TMED4: variants seen among roughly 807,000 people sequenced by gnomAD.
TMED4 encodes the protein transmembrane p24 trafficking protein 4.
In TMED4, 19 loss-of-function variants were observed where a neutral mutation model predicts 26.5. The observed-to-expected ratio is 0.72, with a 90% CI of 0.50 to 1.05. The LOEUF (loss-of-function observed/expected upper bound fraction) is 1.05, where lower values mean the gene tolerates loss of function less well. Ranked by LOEUF, TMED4 falls within the 50% of genes least tolerant of loss-of-function variation. The pLI, the probability that TMED4 is intolerant of heterozygous loss-of-function variation, is 0.00. For synonymous variants in TMED4, 121 were observed against 119.8 expected, an observed-to-expected ratio of 1.01 and a Z score of -0.07; for missense variants, 303 against 302.5, an observed-to-expected ratio of 1.00 and a Z score of -0.01.
chr7:44,582,178 C>G lies in TMED4; in HGVS notation c.29G>C (p.Arg10Pro), dbSNP rs1020086984. MAGVGAGPLRAMGRQALLLL... is the reference protein window; with the variant it reads MAGVGAGPLPAMGRQALLLL... ...CAGCAGGGCCTGCCGCCCCATCGCC[C>G]GCAGAGGCCCAGCCCCGACACCTGC... The change falls in exon 1 of 5, where the codon CGG becomes CCG. Residue 10 changes from arginine (R) to proline (P), a missense_variant. Arg to Pro is a moderately radical substitution (Grantham distance 103). Transcript: ENST00000457408. The G allele has an allele frequency of 1.3e-6, 2 of 1,547,716 alleles. No homozygotes were observed. Among genetic ancestry groups the G allele is most frequent in the African/African-American group, 1.4e-5 (1 of 73,030 alleles).
chr7:44,579,425 T>C lies in TMED4; in HGVS notation c.*54A>G. On this transcript the variant is annotated 3_prime_UTR_variant, in exon 5 of 5. Transcript: ENST00000457408. ...AAATCCAGGTGGATAAAGGACTGTG[T>C]GGGGAAAGTACCAAATAAATGAGGT... 1 of 1,563,562 alleles carries C rather than the reference T, an allele frequency of 6.4e-7. No homozygotes were observed. The highest frequency in any genetic ancestry group is 8.7e-7 in the Non-Finnish European group (1 of 1,146,822).
Position 44,581,237 on chromosome 7 carries a change from C to A in TMED4, c.390G>T (p.Arg130=), listed in dbSNP as rs8580. The A allele has an allele frequency of 0.62, 1,003,094 of 1,613,714 alleles. 317,880 individuals carry two copies. Among genetic ancestry groups the A allele is most frequent in the African/African-American group, 0.9 (67,698 of 74,980 alleles). The change falls in exon 4 of 5, where the codon CGG becomes CGT. Residue 130 remains arginine, a splice_region_variant and synonymous_variant. Coordinates refer to ENST00000457408, the MANE Select transcript of TMED4 (RefSeq NM_182547.4). ...CCCCAACCTGGATGTCGAGATGCAC[C>A]CGCTACAAGGAAACATGGAATGTAT... The part of the protein sequence containing the change: ...RMALFAGGKL[R]VHLDIQVGEH...
rs1803010334 is a variant in TMED4, at chr7:44,581,831, G to A, written c.161-8C>T. On this transcript the variant is annotated splice_region_variant and splice_polypyrimidine_tract_variant and intron_variant, in intron 1 of 4. Transcript: ENST00000457408. ...TCTGGGTACGATAGTTGCCTGCGGG[G>A]CAGACACATAGTCACGACCGGCCCT... The A allele has an allele frequency of 6.2e-7, 1 of 1,613,792 alleles. No homozygotes were observed. Among genetic ancestry groups the A allele is most frequent in the East Asian group, 2.2e-5 (1 of 44,880 alleles).
In TMED4 at chr7:44,579,518, A is replaced by C. The variant is rs1350361757; in HGVS notation, c.645T>G (p.Arg215=). The C allele has an allele frequency of 6.2e-7, 1 of 1,614,116 alleles. No individual in the cohort carries two copies. Among genetic ancestry groups the C allele is most frequent in the South Asian group, 1.1e-5 (1 of 91,088 alleles). The change falls in exon 5 of 5, where the codon CGT becomes CGG. Residue 215 remains arginine, a synonymous_variant. Transcript: ENST00000457408. Reference sequence around the variant, plus strand: ...TGGCCTCAAAGAAGCTCTTGAGGTGACGCATCTGCCAGATGCCAGTGAGGA... The same window carrying C: ...TGGCCTCAAAGAAGCTCTTGAGGTGCCGCATCTGCCAGATGCCAGTGAGGA... ...ILILTGIWQM[R]HLKSFFEAKK...
rs1278822233 is a variant in TMED4, at chr7:44,578,431, A to T, written c.*1048T>A. ...AAGGAGGGTAAGAGTGCATTGCCCC[A>T]TTCTAGCTCTGTTGCTACCTTACCT... On this transcript the variant is annotated 3_prime_UTR_variant, in exon 5 of 5. Coordinates refer to ENST00000457408, the MANE Select transcript of TMED4 (RefSeq NM_182547.4). 6.6e-6 allele frequency: 1 copy of T among 152,224 alleles called. No individual in the cohort carries two copies. Among genetic ancestry groups the T allele is most frequent in the African/African-American group, 2.4e-5 (1 of 41,458 alleles). The allele number at this position is 152,224 out of a possible 1,614,324, so 9.4% of individuals were successfully genotyped here.
In TMED4 at chr7:44,581,442, C is replaced by T. The variant is rs1802987952; in HGVS notation, c.387+7G>A. On this transcript the variant is annotated splice_region_variant and intron_variant, in intron 3 of 4. Transcript: ENST00000457408. ...CTAAGCTGAAGCCAAAGAGAAAATC[C>T]TCTTACCAGTTTGCCACCAGCGAAG... 1.2e-6 allele frequency: 2 copies of T among 1,614,132 alleles called. No homozygotes were observed. The highest frequency in any genetic ancestry group is 4.5e-5 in the East Asian group (2 of 44,886).
chr7:44,581,964 G>T, intron 1 of TMED4, 83 bp downstream of exon 1: 1 of 1,522,250 alleles, frequency 6.6e-7, no homozygotes, highest in South Asian at 1.2e-5. Flanking sequence ...GGGAGCCAGC[G>T]ACCCGGCTGG....
chr7:44,580,900 A>G, intron 4 of TMED4, 193 bp downstream of exon 4: 1 of 600,798 alleles, frequency 1.7e-6, no homozygotes, highest in Non-Finnish European at 2.8e-6. Context: ...GTGAGCCAAG[A>G]TCATGGCATT....
In TMED4 at chr7:44,581,503, T is replaced by TTGA; in HGVS notation, c.330_332dup (p.His110dup). Reference sequence around the variant, plus strand: ...TGGTAGAATTGGAGTGCAGACAGATTTGATGGTCACCGGGCGTGTGGGAGG... The same window carrying TTGA: ...TGGTAGAATTGGAGTGCAGACAGATTTGATGATGGTCACCGGGCGTGTGGGAGG... On this transcript the variant is annotated inframe_insertion, in exon 3 of 5. Coordinates refer to ENST00000457408, the MANE Select transcript of TMED4 (RefSeq NM_182547.4). 1 of 1,614,150 alleles carries TTGA rather than the reference T, an allele frequency of 6.2e-7. No individual in the cohort carries two copies.
chr7:44,579,596 C>T lies in TMED4; in HGVS notation c.567G>A (p.Glu189=), dbSNP rs1418419148. The T allele has an allele frequency of 6.2e-7, 1 of 1,614,040 alleles. No homozygotes were observed. Among genetic ancestry groups the T allele is most frequent in the East Asian group, 2.2e-5 (1 of 44,878 alleles). The change falls in exon 5 of 5, where the codon GAG becomes GAA. Residue 189 remains glutamate (E), a synonymous_variant. Coordinates refer to ENST00000457408, the MANE Select transcript of TMED4 (RefSeq NM_182547.4). Reference sequence around the variant, plus strand: ...ACCATAGGACCCTCTGGTTGGTGCTCTCGCTCGTCAGTCGGAAGCGCTCTT... The same window carrying T: ...ACCATAGGACCCTCTGGTTGGTGCTTTCGCTCGTCAGTCGGAAGCGCTCTT... ...YREERFRLTS[E]STNQRVLWWS... is the part of the protein sequence containing the mutation.
In TMED4 at chr7:44,582,111, G is replaced by T. The variant is rs201894102; in HGVS notation, c.96C>A (p.Phe32Leu). Residue 32 changes from phenylalanine to leucine, a missense_variant, in exon 1 of 5, where the codon TTC becomes TTA. Coordinates refer to ENST00000457408, the MANE Select transcript of TMED4 (RefSeq NM_182547.4). ...AGCGCTTCTCGGTCTCGCCGATGTG[G>T]AAGTAGAGCCCCTGGGCGCCTGTGG... is the stretch of plus-strand genomic sequence containing the variant. Reference protein sequence around the residue: ...LCATGAQGLYFHIGETEKRCF... With the variant: ...LCATGAQGLYLHIGETEKRCF... 1.9e-6 allele frequency: 3 copies of T among 1,559,918 alleles called. No individual in the cohort carries two copies. Among genetic ancestry groups the T allele is most frequent in the Non-Finnish European group, 2.6e-6 (3 of 1,152,264 alleles).
At chr7:44,581,047 A>T in intron 4 of TMED4, 46 bp downstream of exon 4, 2 of 1,610,086 alleles carry the variant, frequency 1.2e-6, no homozygotes, top group South Asian at 2.2e-5. Flanking sequence ...TATAGTGGGT[A>T]TAAAGGTCAA....
In TMED4 at chr7:44,579,326, C is replaced by T; in HGVS notation, c.*153G>A. On this transcript the variant is annotated 3_prime_UTR_variant, in exon 5 of 5. Transcript: ENST00000457408. ...GTCATGTGTCCTTAAGAACCAGGGT[C>T]AGCAAGTGGCTGATCTGAATGGTTT... 1.4e-6 allele frequency: 1 copy of T among 722,076 alleles called. No homozygotes were observed. Among genetic ancestry groups the T allele is most frequent in the Admixed American group, 3.0e-5 (1 of 33,594 alleles). The allele number at this position is 722,076 out of a possible 1,614,324, so 44.7% of individuals were successfully genotyped here.
intron 4 of TMED4, 94 bp downstream of exon 4, chr7:44,580,999 T>A (rs1468817061): frequency 1.5e-6 from 2 of 1,351,504 alleles, no homozygotes; most frequent in African/African-American, 2.9e-5. Flanking sequence ...CATTCCATTC[T>A]CTGCAGAGCT....
intron 3 of TMED4, 92 bp downstream of exon 3, chr7:44,581,357 G>T: frequency 1.2e-6 from 2 of 1,604,788 alleles, no homozygotes; most frequent in South Asian, 2.2e-5. Flanking sequence ...CCCCAATTCT[G>T]ACTGTGCTAC....
chr7:44,580,744 C>G lies in TMED4; in HGVS notation c.534+349G>C, dbSNP rs879217006. ...GGCGGATCACTTGATGTCGGGAGTTCGAGACCAGCCTGACCAACGTGGAGA... is the reference window on the plus strand; with the variant it reads ...GGCGGATCACTTGATGTCGGGAGTTGGAGACCAGCCTGACCAACGTGGAGA... On this transcript the variant is annotated intron_variant, in intron 4 of 4. Coordinates refer to ENST00000457408, the MANE Select transcript of TMED4 (RefSeq NM_182547.4). 40 of 184,880 alleles carry G rather than the reference C, an allele frequency of 2.2e-4. 1 individual carries two copies. The South Asian group carries it at 3.6e-3, about 17-fold the overall frequency. The allele number at this position is 184,880 out of a possible 1,614,324, so 11.5% of individuals were successfully genotyped here.
chr7:44,581,164 C>T lies in TMED4; in HGVS notation c.463G>A (p.Glu155Lys), dbSNP rs1221994366. Residue 155 changes from glutamate to lysine, a missense_variant, in exon 4 of 5, where the codon GAG becomes AAG. Transcript: ENST00000457408. The stretch of plus-strand genomic sequence containing the variant: ...AACTGGCGGGCGCGGAGCTGTAGCT[C>T]CGTCAGCTTATCTTTTGCAGCAATC... ...PEIAAKDKLT[E>K]LQLRARQLLD... is the part of the protein sequence containing the mutation. 3.1e-6 allele frequency: 5 copies of T among 1,614,128 alleles called. No individual in the cohort carries two copies. The highest frequency in any genetic ancestry group is 1.7e-5 in the Admixed American group (1 of 60,000).
chr7:44,579,880 T>A (rs747732166), intron 4 of TMED4: 4 of 345,042 alleles, frequency 1.2e-5, no homozygotes, highest in Non-Finnish European at 2.1e-5. Flanking sequence ...GAAAAACAGG[T>A]AGGCAATGGC....
chr7:44,581,653 T>G, intron 2 of TMED4, 70 bp downstream of exon 2: 1 of 1,613,812 alleles, frequency 6.2e-7, no homozygotes, highest in Non-Finnish European at 8.5e-7. Flanking sequence ...TGAGGCCTCC[T>G]CCAGGCAGTG....
Sources: gnomAD v4.1 joint callset for allele counts on GRCh38, gnomAD v4.1.1 for gene constraint, MANE v1.5 for transcripts, NCBI Gene and HGNC (gene_info 2026-07-23, HGNC 2026-07-21) for gene names.